RUVBL2: variants seen among roughly 807,000 people sequenced by gnomAD.
RUVBL2 encodes the protein RuvB like AAA ATPase 2.
Under a neutral mutation model 57.9 loss-of-function variants are expected in RUVBL2, and 9 were observed. The observed-to-expected ratio is 0.16, with a 90% CI of 0.09 to 0.27. The LOEUF (loss-of-function observed/expected upper bound fraction) is 0.27. Among genes scored for constraint, RUVBL2 ranks in the 10% least tolerant of loss-of-function variants. The pLI, the probability that RUVBL2 is intolerant of heterozygous loss-of-function variation, is 1.00. For synonymous variants in RUVBL2, 278 were observed against 264.6 expected (o/e 1.05, Z -0.49); for missense variants, 456 against 669.6 (o/e 0.68, Z 3.52).
At chr19:48,997,571 G>A (rs1270008662) in intron 1 of RUVBL2, among the ~76,000 whole-genome samples, 1 of 150,026 alleles carries the variant, frequency 6.7e-6, no homozygotes, top group African/African-American at 2.5e-5. Flanking sequence ...AGAGGTTGTA[G>A]TGAGCCAAGA....
chr19:49,014,741 G>A, intron 12 of RUVBL2, 138 bp downstream of exon 12: 1 of 1,257,054 alleles, frequency 8.0e-7, no homozygotes, highest in Non-Finnish European at 1.1e-6. Flanking sequence ...CACCCAGACG[G>A]TGGCCTCCGA....
chr19:49,003,123 G>C lies in RUVBL2; in HGVS notation c.68-156G>C, dbSNP rs572494228. Reference sequence around the variant, plus strand: ...ATCTTCCTAGGGAGGTGCCAATTTGGGATATCCTTTCCATGTGCCCCTTCA... The same window carrying C: ...ATCTTCCTAGGGAGGTGCCAATTTGCGATATCCTTTCCATGTGCCCCTTCA... On this transcript the variant is annotated intron_variant, in intron 2 of 14. Transcript: ENST00000595090. Among the ~76,000 whole-genome samples the C allele has an allele frequency of 2.0e-5, 3 of 152,194 alleles. No homozygotes were observed. The East Asian group carries it at 5.8e-4, about 29-fold the overall frequency.
intron 1 of RUVBL2, among the ~76,000 whole-genome samples, chr19:48,997,008 C>T (rs1331533166): frequency 6.6e-6 from 1 of 151,602 alleles, no homozygotes; most frequent in Non-Finnish European, 1.5e-5. Flanking sequence ...ATAGAATTCA[C>T]GTACTACATA....
At chr19:48,998,376 T>G (rs774160118) in intron 1 of RUVBL2, among the ~76,000 whole-genome samples, 1 of 152,120 alleles carries the variant, frequency 6.6e-6, no homozygotes, top group Non-Finnish European at 1.5e-5. Context: ...GTGTCTGTCC[T>G]TATGGAGCTC....
At chr19:49,010,344 C>T (rs1192626499) in intron 8 of RUVBL2, 144 bp from the exon 9 acceptor site, 15 of 840,018 alleles carry the variant, frequency 1.8e-5, no homozygotes, top group Non-Finnish European at 2.7e-5. Flanking sequence ...ACCTCCTGGG[C>T]CTGGGGTTTC....
Position 49,015,880 on chromosome 19 carries a change from C to G in RUVBL2, c.*38C>G, listed in dbSNP as rs749272679. Reference sequence around the variant, plus strand: ...CCCCCGACCCCACCCTGTTTTCCACCAGAGTTCTGACACTGTGACTCTGTA... The same window carrying G: ...CCCCCGACCCCACCCTGTTTTCCACGAGAGTTCTGACACTGTGACTCTGTA... On this transcript the variant is annotated 3_prime_UTR_variant, in exon 15 of 15. Transcript: ENST00000595090. 2 of 1,614,176 alleles carry G rather than the reference C, an allele frequency of 1.2e-6. No individual in the cohort carries two copies. Among genetic ancestry groups the G allele is most frequent in the East Asian group, 4.5e-5 (2 of 44,884 alleles).
chr19:48,998,066 C>T (rs568748990), intron 1 of RUVBL2, among the ~76,000 whole-genome samples: 1 of 152,344 alleles, frequency 6.6e-6, no homozygotes, highest in South Asian at 2.1e-4. Context: ...GAATATTGAT[C>T]CATCCATCTC....
At chr19:49,009,160 CAAAAAAAAAAAAA>C (rs61402282) in intron 6 of RUVBL2, among the ~76,000 whole-genome samples, 13 of 21,424 alleles carry the variant, frequency 6.1e-4, no homozygotes, top group East Asian at 5.2e-3. Flanking sequence ...GACTCTATCT[CAAAAAAAAAAAAA>C]AAAAAAAAAA....
chr19:49,006,705 G>A (rs1225282408), intron 4 of RUVBL2, among the ~76,000 whole-genome samples: 1 of 152,246 alleles, frequency 6.6e-6, no homozygotes, highest in Non-Finnish European at 1.5e-5. Context: ...AGGCTAAACA[G>A]CTCGTAGAGG....
At chr19:48,998,403 G>A (rs146455769) in intron 1 of RUVBL2, among the ~76,000 whole-genome samples, 5 of 152,240 alleles carry the variant, frequency 3.3e-5, no homozygotes, top group African/African-American at 1.2e-4. Context: ...ATTAGAAATG[G>A]GGAGGACTTG....
At chr19:49,010,679 C>G in intron 9 of RUVBL2, 68 bp downstream of exon 9, 1 of 1,594,880 alleles carries the variant, frequency 6.3e-7, no homozygotes, top group Non-Finnish European at 8.5e-7. Context: ...CGGGCTCCCT[C>G]TGTTCCTGAG....
upstream of RUVBL2, chr19:48,993,627 A>T (rs1213708657): frequency 3.5e-6 from 2 of 567,454 alleles, no homozygotes; most frequent in Non-Finnish European, 6.3e-6. Context: ...CTCAAAGAAC[A>T]GCTAAGAATT....
chr19:48,993,576 G>GGTGGGATAAAGAGGAAAGGAGC (rs1176548247), upstream of RUVBL2: 4 of 495,084 alleles, frequency 8.1e-6, no homozygotes, highest in African/African-American at 7.8e-5. Flanking sequence ...GGAGGAGGAG[G>GGTGGGATAAAGAGGAAAGGAGC]GTGGGATAAA....
At chr19:48,998,049 G>C (rs1322588365) in intron 1 of RUVBL2, among the ~76,000 whole-genome samples, 1 of 152,224 alleles carries the variant, frequency 6.6e-6, no homozygotes, top group Non-Finnish European at 1.5e-5. Context: ...ATGTCCACTG[G>C]AGCAGAGAAT....
chr19:49,004,547 C>T (rs2039247524), intron 4 of RUVBL2, 129 bp downstream of exon 4: 1 of 881,206 alleles, frequency 1.1e-6, no homozygotes, highest in Non-Finnish European at 1.7e-6. Flanking sequence ...ACTCAGGATT[C>T]ATTCTTGCCC....
upstream of RUVBL2, chr19:48,993,559 G>C (rs553762794): frequency 1.5e-4 from 68 of 468,194 alleles, no homozygotes; most frequent in African/African-American, 1.3e-3. Flanking sequence ...AGGCCTCAAA[G>C]TGGGGAGGAG....
At chr19:49,010,928 T>C in intron 9 of RUVBL2, 71 bp from the exon 10 acceptor site, 1 of 1,349,484 alleles carries the variant, frequency 7.4e-7, no homozygotes, top group South Asian at 1.2e-5. Context: ...TCCTTCTCTG[T>C]CTTAGCCACA....
intron 14 of RUVBL2, 37 bp downstream of exon 14, chr19:49,015,723 C>A: frequency 1.2e-6 from 2 of 1,611,272 alleles, no homozygotes; most frequent in Non-Finnish European, 1.7e-6. Context: ...CTGCCAGAGC[C>A]AACCTCAGAG....
At position 49,010,248 on chromosome 19, in the gene RUVBL2, G is replaced by T. The variant is rs765215206; in HGVS notation, c.663+182G>T. ...CCCCTCAGCCTGGCACTATAGCTTC[G>T]CATGGCCACATGTGGCCTGTGGCTT... On this transcript the variant is annotated intron_variant, in intron 8 of 14. Transcript: ENST00000595090. 5 of 712,196 alleles carry T rather than the reference G, an allele frequency of 7.0e-6. No individual in the cohort carries two copies. In the East Asian group the frequency reaches 8.1e-5, roughly 12 times the overall value. The allele number at this position is 712,196 out of a possible 1,614,324, so 44.1% of individuals were successfully genotyped here. A position where few individuals can be genotyped will look rare whatever the true frequency, so the allele number is the denominator to read the frequency against.
Sources: gnomAD v4.1 joint callset for allele counts (sites outside exome capture counted in the v4.1 genomes callset) on GRCh38, gnomAD v4.1.1 for gene constraint, MANE v1.5 for transcripts, NCBI Gene and HGNC (gene_info 2026-07-23, HGNC 2026-07-21) for gene names.